The following PRR12 variants were observed in gnomAD, a reference collection of about 807,000 sequenced individuals.
PRR12 encodes proline-rich protein 12.
Under a neutral mutation model 138.0 loss-of-function variants are expected in PRR12, and 12 were observed. The ratio of observed to expected loss-of-function variants is 0.09; its 90% CI spans 0.06 to 0.14. The LOEUF (loss-of-function observed/expected upper bound fraction) is 0.14, where lower values mean the gene tolerates loss of function less well. Among genes scored for constraint, PRR12 ranks in the 10% least tolerant of loss-of-function variants. The pLI is 1.00. For missense variants in PRR12, 2,692 were observed against 2,861.3 expected (o/e 0.94, Z 1.35); for synonymous variants, 1,567 against 1,291.7 (o/e 1.21, Z -4.57).
Position 49,597,739 on chromosome 19 carries a change from C to T in PRR12, c.3404C>T (p.Ser1135Leu), listed in dbSNP as rs1436734029. The change falls in exon 4 of 14, where the codon TCG (serine) becomes TTG (leucine). Residue 1135 changes from serine (S) to leucine (L), a missense_variant. Ser to Leu is a moderately radical substitution (Grantham distance 145, BLOSUM62 -2). Transcript: ENST00000418929. This position sits in a 1 kb window ranked among gnomAD's most constrained non-coding sequence, Gnocchi z 6.3. ...VSSCRSRPAL[S>L]PLGDIDFCPP... ...AGCTGCCGCTCCCGTCCGGCCCTCT[C>T]GCCACTGGGGGACATCGACTTCTGC... 1 of 1,607,900 alleles carries T rather than the reference C, an allele frequency of 6.2e-7. No homozygotes were observed. The highest frequency in any genetic ancestry group is 1.1e-5 in the South Asian group (1 of 90,068).
In PRR12 at chr19:49,624,824, G is replaced by A. The variant is rs367987160; in HGVS notation, c.5722-20G>A. The A allele has an allele frequency of 6.2e-6, 10 of 1,608,792 alleles. No individual in the cohort carries two copies. In the African/African-American group the frequency reaches 1.3e-4, roughly 21 times the overall value. ...TATGGATCCAGGGCAGCATCCAGCT[G>A]ACCCATTGGCTTCCCGCAGGATGCT... On this transcript the variant is annotated intron_variant, in intron 11 of 13. Transcript: ENST00000418929.
intron 11 of PRR12, 118 bp from the exon 12 acceptor site, chr19:49,624,726 G>A: frequency 7.0e-7 from 1 of 1,424,544 alleles, no homozygotes; most frequent in Non-Finnish European, 9.4e-7. Flanking sequence ...GGAGACTCTA[G>A]TTGTCTCTCC....
Position 49,601,899 on chromosome 19 carries a change from A to C in PRR12, c.4754A>C (p.Glu1585Ala), listed in dbSNP as rs1165547803. The C allele has an allele frequency of 2.5e-6, 4 of 1,612,022 alleles. No individual in the cohort carries two copies. Among genetic ancestry groups the C allele is most frequent in the Non-Finnish European group, 3.4e-6 (4 of 1,179,790 alleles). Residue 1585 changes from glutamate to alanine, a missense_variant, in exon 6 of 14, where the codon GAG (glutamate) becomes GCG (alanine). By Grantham distance (107) the Glu-to-Ala change is moderately radical. This residue lies in a region of PRR12 where 92 missense variants were observed against 174.1 expected (regional missense o/e 0.53). Coordinates refer to ENST00000418929, the MANE Select transcript of PRR12 (RefSeq NM_020719.3). The part of the protein sequence containing the change: ...RERDEFVIRA[E>A]DIPSLKLALQ... ...CGGGACGAGTTCGTCATCCGTGCTG[A>C]GGACATCCCTTCCCTCAAGGTGAGT...
intron 9 of PRR12, 150 bp from the exon 10 acceptor site, chr19:49,620,202 G>C: frequency 9.4e-7 from 1 of 1,061,742 alleles, no homozygotes; most frequent in Non-Finnish European, 1.4e-6. Flanking sequence ...ACGTGGCACT[G>C]GCGCTTGCCT....
At chr19:49,610,056 C>CT (rs900249909) in intron 6 of PRR12, among the ~76,000 whole-genome samples, 19 of 151,818 alleles carry the variant, frequency 1.3e-4, no homozygotes, top group African/African-American at 4.3e-4. Context: ...CTCACTGCAA[C>CT]TTCTGCCTCC....
At chr19:49,622,591 A>G (rs2080928947) in intron 11 of PRR12, among the ~76,000 whole-genome samples, 1 of 103,158 alleles carries the variant, frequency 9.7e-6, no homozygotes, top group South Asian at 3.6e-4. Context: ...GACTGTCTCC[A>G]AAAAAGAAAA....
chr19:49,608,989 G>A (rs2080852301), intron 6 of PRR12, among the ~76,000 whole-genome samples: 1 of 152,144 alleles, frequency 6.6e-6, no homozygotes, highest in African/African-American at 2.4e-5. Context: ...ATAAGGGCTG[G>A]GCAGCGTGTA....
At chr19:49,612,367 T>C (rs961422539) in intron 6 of PRR12, among the ~76,000 whole-genome samples, 2 of 151,830 alleles carry the variant, frequency 1.3e-5, no homozygotes, top group East Asian at 3.9e-4. Context: ...GTCAGTGATA[T>C]GAGTGACATG....
At chr19:49,609,585 A>G (rs2080855204) in intron 6 of PRR12, among the ~76,000 whole-genome samples, 1 of 143,478 alleles carries the variant, frequency 7.0e-6, no homozygotes, top group African/African-American at 2.7e-5. Context: ...TGGGCCACAG[A>G]GTGAGACTGT....
rs992261774 is a variant in PRR12, at chr19:49,596,751, C to G, written c.2416C>G (p.Leu806Val). The change falls in exon 4 of 14, where the codon CTC becomes GTC. Residue 806 changes from leucine to valine, a missense_variant. Transcript: ENST00000418929. This position sits in a 1 kb window ranked among gnomAD's most constrained non-coding sequence, Gnocchi z 5.6. ...TCCCCCCCAGCTGCTCCCCTCGGTC[C>G]TCAGCCATGCCCCCAGTCCCTCTCC... ...PPPPQLLPSV[L>V]SHAPSPSPSA... is the part of the protein sequence containing the mutation. 3 of 1,604,670 alleles carry G rather than the reference C, an allele frequency of 1.9e-6. No individual in the cohort carries two copies. The highest frequency in any genetic ancestry group is 3.3e-5 in the Admixed American group (2 of 59,934).
At chr19:49,622,928 T>TATATAG (rs1320368074) in intron 11 of PRR12, among the ~76,000 whole-genome samples, 279 of 77,748 alleles carry the variant, frequency 3.6e-3, no homozygotes, top group Non-Finnish European at 4.4e-3. Flanking sequence ...TATATATATA[T>TATATAG]AGAGAGAGAG....
intron 6 of PRR12, among the ~76,000 whole-genome samples, chr19:49,608,327 A>G (rs2122336082): frequency 1.3e-5 from 2 of 152,192 alleles, no homozygotes; most frequent in South Asian, 4.1e-4. Context: ...CTGTCTCTAC[A>G]CAAAATTCTT....
intron 6 of PRR12, among the ~76,000 whole-genome samples, chr19:49,611,689 A>C (rs1381563120): frequency 5.5e-4 from 77 of 138,768 alleles, no homozygotes; most frequent in South Asian, 1.4e-3. Flanking sequence ...TTTGGGAGGC[A>C]GAGGCGGGCG....
At position 49,597,672 on chromosome 19, in the gene PRR12, G is replaced by A; in HGVS notation, c.3337G>A (p.Asp1113Asn). The A allele has an allele frequency of 6.2e-7, 1 of 1,605,882 alleles. No individual in the cohort carries two copies. The highest frequency in any genetic ancestry group is 8.5e-7 in the Non-Finnish European group (1 of 1,177,356). ...ADEDKADVPA[D>N]IRLNPRRLPD... is the part of the protein sequence containing the mutation. ...CGAGGACAAGGCCGATGTTCCCGCCGACATCCGCCTCAACCCCCGGCGCTT... is the reference window on the plus strand; with the variant it reads ...CGAGGACAAGGCCGATGTTCCCGCCAACATCCGCCTCAACCCCCGGCGCTT... The change falls in exon 4 of 14, where the codon GAC (aspartate) becomes AAC (asparagine). Residue 1113 changes from aspartate (D) to asparagine (N), a missense_variant. Physicochemically the swap from Asp to Asn is conservative, Grantham distance 23. This residue lies in a region of PRR12 where 6 missense variants were observed against 19.6 expected (regional missense o/e 0.31). Coordinates refer to ENST00000418929, the MANE Select transcript of PRR12 (RefSeq NM_020719.3). The surrounding 1 kb of genome is among the most constrained non-coding windows in gnomAD (Gnocchi z 6.3).
rs1223496514 is a variant in PRR12, at chr19:49,614,643, C to T, written c.4884C>T (p.Thr1628=). ...ACGGCCAGAGGCAGTTTTGTGCCAC[C>T]AGTAATGTAAGCCTGCAAAGGGGAC... ...IKDGQRQFCA[T]SNYLGYFGDA... is the part of the protein sequence containing the mutation. Residue 1628 remains threonine (T), a synonymous_variant, in exon 7 of 14, where the codon ACC becomes ACT. Transcript: ENST00000418929. This position sits in a 1 kb window ranked among gnomAD's most constrained non-coding sequence, Gnocchi z 5.0. 1.3e-6 allele frequency: 2 copies of T among 1,558,796 alleles called. No homozygotes were observed. The highest frequency in any genetic ancestry group is 1.2e-5 in the South Asian group (1 of 84,600).
Position 49,614,794 on chromosome 19 carries a change from A to G in PRR12, c.4891-82A>G, listed in dbSNP as rs878916802. On this transcript the variant is annotated intron_variant, in intron 7 of 13. Coordinates refer to ENST00000418929, the MANE Select transcript of PRR12 (RefSeq NM_020719.3). The surrounding 1 kb of genome is among the most constrained non-coding windows in gnomAD (Gnocchi z 5.0). ...TGCCGGCAGGCTCCAAGCAGCTGCC[A>G]TGGTGGCCCAGGGCACGGGGGTGTT... 4.4e-6 allele frequency: 7 copies of G among 1,586,890 alleles called. No homozygotes were observed. Among genetic ancestry groups the G allele is most frequent in the South Asian group, 2.2e-5 (2 of 89,748 alleles).
rs1209279173 is a variant in PRR12 at position 49,601,642 on chromosome 19, G to A, written c.4497G>A (p.Pro1499=). Residue 1499 remains proline, a synonymous_variant, in exon 6 of 14, where the codon CCG becomes CCA. Coordinates refer to ENST00000418929, the MANE Select transcript of PRR12 (RefSeq NM_020719.3). ...CCACGCCCAGCTCACCACCGCCACC[G>A]CCGCTGCCGCCGCCACCTCCACCAG... ...VAPTPSSPPP[P]PLPPPPPPAM... 2.6e-6 allele frequency: 4 copies of A among 1,533,944 alleles called. No homozygotes were observed. Among genetic ancestry groups the A allele is most frequent in the Admixed American group, 2.0e-5 (1 of 50,590 alleles).
rs2080949388 is a variant in PRR12 at position 49,625,357 on chromosome 19, C to T, written c.5965-104C>T. ...AGAATGCAGCCCCCAGCCCTGGTCT[C>T]CCTGGGACACTGACATCTGACACCC... On this transcript the variant is annotated intron_variant, in intron 13 of 13. Transcript: ENST00000418929. This position sits in a 1 kb window ranked among gnomAD's most constrained non-coding sequence, Gnocchi z 5.5. 25 of 1,440,242 alleles carry T rather than the reference C, an allele frequency of 1.7e-5. No homozygotes were observed. Among genetic ancestry groups the T allele is most frequent in the Non-Finnish European group, 2.3e-5 (24 of 1,064,656 alleles). 89.2% of individuals were successfully genotyped at this position (1,440,242 alleles called of 1,614,324 possible).
chr19:49,612,386 C>T (rs1378071587), intron 6 of PRR12, among the ~76,000 whole-genome samples: 1 of 151,846 alleles, frequency 6.6e-6, no homozygotes, highest in Non-Finnish European at 1.5e-5. Flanking sequence ...TGATGAGAGG[C>T]AGGATGGGTG....
Sources: gnomAD v4.1 joint callset for allele counts (sites outside exome capture counted in the v4.1 genomes callset) on GRCh38, gnomAD v4.1.1 for gene constraint, gnomAD v4.1.1 regional missense constraint, Gnocchi (gnomAD v3.1) non-coding constraint, MANE v1.5 for transcripts, NCBI Gene and HGNC (gene_info 2026-07-23, HGNC 2026-07-21) for gene names.